SYTL3: variants seen among roughly 807,000 people sequenced by gnomAD.
The protein encoded by SYTL3 is synaptotagmin-like protein 3.
A neutral mutation model predicts 82.1 loss-of-function variants in SYTL3; 88 were observed. That is an observed-to-expected ratio of 1.07 (90% CI 0.90 to 1.28). SYTL3 has a LOEUF of 1.28. Ranked by LOEUF, SYTL3 falls within the 50% of genes most tolerant of loss-of-function variation. The pLI is 0.00. For synonymous variants in SYTL3, 311 were observed against 289.4 expected (o/e 1.07, Z -0.76); for missense variants, 831 against 757.6 (o/e 1.10, Z -1.14).
intron 11 of SYTL3, among the ~76,000 whole-genome samples, chr6:158,739,408 T>G (rs200441854): frequency 1.3e-5 from 2 of 152,198 alleles, no homozygotes; most frequent in East Asian, 3.8e-4. Context: ...TATAGTTTTT[T>G]TAAAAAATAT....
At chr6:158,685,896 T>C (rs991758471) in intron 6 of SYTL3, among the ~76,000 whole-genome samples, 6 of 152,226 alleles carry the variant, frequency 3.9e-5, no homozygotes, top group Non-Finnish European at 8.8e-5. Flanking sequence ...ACTCTACCCT[T>C]TTCCACATCA....
At chr6:158,684,095 A>C in intron 6 of SYTL3, among the ~76,000 whole-genome samples, 1 of 152,186 alleles carries the variant, frequency 6.6e-6, no homozygotes, top group Non-Finnish European at 1.5e-5. Flanking sequence ...GGGTTTACGG[A>C]AATACCCGTA....
At chr6:158,723,908 TGTGTCCAC>T (rs953579238) in intron 10 of SYTL3, among the ~76,000 whole-genome samples, 6 of 152,202 alleles carry the variant, frequency 3.9e-5, no homozygotes, top group African/African-American at 1.4e-4. Flanking sequence ...GTTTGTGATC[TGTGTCCAC>T]GTGTCTACGT....
chr6:158,758,123 G>A (rs543678049), intron 14 of SYTL3, among the ~76,000 whole-genome samples: 1 of 152,128 alleles, frequency 6.6e-6, no homozygotes, highest in Non-Finnish European at 1.5e-5. Context: ...TGAAAAACGT[G>A]GGCTTCTGCC....
intron 9 of SYTL3, among the ~76,000 whole-genome samples, chr6:158,715,691 C>T (rs1022156434): frequency 6.9e-6 from 1 of 144,652 alleles, no homozygotes; most frequent in African/African-American, 2.6e-5. Flanking sequence ...AAAACCCCAG[C>T]TTTCTGGCTG....
intron 5 of SYTL3, among the ~76,000 whole-genome samples, chr6:158,668,061 A>G (rs1018703168): frequency 2.6e-5 from 4 of 152,118 alleles, no homozygotes; most frequent in Non-Finnish European, 5.9e-5. Flanking sequence ...TCCTCATTTT[A>G]CAGTTGAGAA....
intron 7 of SYTL3, 52 bp downstream of exon 7, chr6:158,707,333 G>A: frequency 6.4e-7 from 1 of 1,557,360 alleles, no homozygotes; most frequent in Non-Finnish European, 8.8e-7. Context: ...CAGGAGCGCA[G>A]AGGACACTCT....
At chr6:158,715,639 A>AC (rs71030193) in intron 9 of SYTL3, among the ~76,000 whole-genome samples, 13,500 of 92,470 alleles carry the variant, frequency 0.15, 1,084 homozygotes, top group South Asian at 0.27. Context: ...CACCCCCCAT[A>AC]CCCCCCCACC....
intron 11 of SYTL3, among the ~76,000 whole-genome samples, chr6:158,735,895 G>A (rs9346766): frequency 0.64 from 96,859 of 152,104 alleles, 33,062 homozygotes; most frequent in African/African-American, 0.87. Flanking sequence ...GCAATTAGCA[G>A]TAGATGTCAG....
chr6:158,713,914 C>T, intron 9 of SYTL3, 36 bp downstream of exon 9: 1 of 1,488,542 alleles, frequency 6.7e-7, no homozygotes, highest in Non-Finnish European at 9.2e-7. Flanking sequence ...TTCCCACTAC[C>T]TTCCAGGCCA....
chr6:158,708,358 C>G lies in SYTL3; in HGVS notation c.483C>G (p.Val161=), dbSNP rs769603393. 2 of 1,614,096 alleles carry G rather than the reference C, an allele frequency of 1.2e-6. No individual in the cohort carries two copies. The highest frequency in any genetic ancestry group is 2.7e-5 in the African/African-American group (2 of 74,928). ...ISVVPPTPPP[V]SESQCSRSPG... Reference sequence around the variant, plus strand: ...TGGTTCCTCCTACTCCACCTCCTGTCAGCGAGAGCCAGTGCAGCCGCAGTC... The same window carrying G: ...TGGTTCCTCCTACTCCACCTCCTGTGAGCGAGAGCCAGTGCAGCCGCAGTC... The change falls in exon 8 of 18, where the codon GTC becomes GTG. Residue 161 remains valine, a synonymous_variant. Coordinates refer to ENST00000611299, the MANE Select transcript of SYTL3 (RefSeq NM_001242394.2).
At chr6:158,709,910 C>G (rs1303866985) in intron 8 of SYTL3, among the ~76,000 whole-genome samples, 1 of 152,128 alleles carries the variant, frequency 6.6e-6, no homozygotes, top group Non-Finnish European at 1.5e-5. Context: ...TAGCACATGC[C>G]TGTAGGCTCA....
intron 13 of SYTL3, among the ~76,000 whole-genome samples, chr6:158,754,268 A>G (rs1377249034): frequency 1.3e-5 from 2 of 152,112 alleles, no homozygotes; most frequent in East Asian, 1.9e-4. Context: ...ATTTGACACC[A>G]CTGTCCTGGG....
intron 4 of SYTL3, among the ~76,000 whole-genome samples, chr6:158,664,664 T>C (rs374108837): frequency 1.3e-5 from 2 of 152,188 alleles, no homozygotes; most frequent in Admixed American, 6.5e-5. Context: ...CAAAGTGACA[T>C]AGACATAGTG....
At chr6:158,694,775 G>A (rs554400423) in intron 6 of SYTL3, among the ~76,000 whole-genome samples, 74 of 152,234 alleles carry the variant, frequency 4.9e-4, no homozygotes, top group African/African-American at 1.5e-3. Context: ...GAGCGCCTGC[G>A]TTCCTTCCAG....
chr6:158,678,212 G>A (rs992792145), intron 5 of SYTL3, among the ~76,000 whole-genome samples: 4 of 152,212 alleles, frequency 2.6e-5, no homozygotes, highest in African/African-American at 9.6e-5. Flanking sequence ...TGTGTCTAAA[G>A]GATCTCTGGA....
At chr6:158,761,020 G>A (rs1420380387) in intron 15 of SYTL3, among the ~76,000 whole-genome samples, 1 of 152,158 alleles carries the variant, frequency 6.6e-6, no homozygotes, top group African/African-American at 2.4e-5. Flanking sequence ...CCTCCCAGGG[G>A]CAGATTGGAT....
chr6:158,719,515 C>T (rs557407310), intron 10 of SYTL3, among the ~76,000 whole-genome samples: 3 of 152,232 alleles, frequency 2.0e-5, no homozygotes, highest in African/African-American at 7.2e-5. Flanking sequence ...GTGAAGTTCT[C>T]AGACCACACT....
At chr6:158,696,880 G>T (rs1315774516) in intron 6 of SYTL3, among the ~76,000 whole-genome samples, 1 of 152,048 alleles carries the variant, frequency 6.6e-6, no homozygotes, top group Non-Finnish European at 1.5e-5. Context: ...TGCACATATG[G>T]TCAAATGATT....
Sources: allele counts gnomAD v4.1 joint callset (sites outside exome capture counted in the v4.1 genomes callset), GRCh38; gene constraint gnomAD v4.1.1; transcripts MANE v1.5; gene names NCBI Gene and HGNC (gene_info 2026-07-23, HGNC 2026-07-21).